The following MISFA variants were observed in gnomAD, a reference collection of about 807,000 sequenced individuals.
The protein encoded by MISFA is mitochondrial sheath formation associated, also known as mitochondrial sheath formation-associated protein.
chr11:18,604,443 G>A, the MISFA span, among the ~76,000 whole-genome samples: 54,075 of 151,568 alleles, frequency 0.36, 11,183 homozygotes, highest in Middle Eastern at 0.49. Context: ...ATCATCTAGG[G>A]TCAGGAGTTC....
the MISFA span, chr11:18,604,013 G>A: frequency 4.1e-5 from 11 of 265,482 alleles, no homozygotes; most frequent in South Asian, 2.1e-4. Flanking sequence ...TGCAAGCTCC[G>A]CCTCCCGGGT....
chr11:18,608,684 G>A, the MISFA span: 4 of 152,412 alleles, frequency 2.6e-5, no homozygotes, highest in African/African-American at 7.2e-5. Context: ...TGAAGGTTAA[G>A]GGCTATTAAG....
At chr11:18,609,519 T>G in the MISFA span, 3 of 227,416 alleles carry the variant, frequency 1.3e-5, no homozygotes, top group African/African-American at 6.9e-5. Context: ...AGACAACCTT[T>G]TTTTTCCTTT....
chr11:18,609,778 T>C, the MISFA span: 1 of 1,250,836 alleles, frequency 8.0e-7, no homozygotes, highest in Admixed American at 2.1e-5. Context: ...AAATCTAAAA[T>C]GATAAGGGGG....
At chr11:18,600,512 CTTTTTTTTT>C in the MISFA span, among the ~76,000 whole-genome samples, 1 of 54,050 alleles carries the variant, frequency 1.9e-5, no homozygotes, top group East Asian at 7.1e-4. Flanking sequence ...TGGGGACATC[CTTTTTTTTT>C]TTTTTTTTTT....
At chr11:18,600,933 C>G in the MISFA span, among the ~76,000 whole-genome samples, 234 of 152,222 alleles carry the variant, frequency 1.5e-3, 6 homozygotes, top group South Asian at 0.047. Context: ...ATTTGACTTG[C>G]GGATTGCAGG....
chr11:18,599,973 C>T, the MISFA span: 1 of 398,970 alleles, frequency 2.5e-6, no homozygotes, highest in Admixed American at 4.4e-5. Flanking sequence ...TTGTGTGTTA[C>T]ATGGGCACGT....
At chr11:18,607,602 G>A in the MISFA span, 2 of 152,592 alleles carry the variant, frequency 1.3e-5, no homozygotes, top group African/African-American at 4.8e-5. Context: ...GCCTACTCCA[G>A]TTTCTTCAAA....
At chr11:18,608,465 C>T in the MISFA span, 1 of 152,234 alleles carries the variant, frequency 6.6e-6, no homozygotes, top group Admixed American at 6.5e-5. Flanking sequence ...TAATCCCCCC[C>T]ATACAATGGC....
chr11:18,603,687 C>A, the MISFA span: 4 of 398,402 alleles, frequency 1.0e-5, no homozygotes, highest in African/African-American at 4.1e-5. Flanking sequence ...CCCTGCCAGT[C>A]CTTGCCTGGG....
chr11:18,600,076 AATGGGAAAGATAGTTG>A, the MISFA span: 1 of 398,802 alleles, frequency 2.5e-6, no homozygotes, highest in Non-Finnish European at 4.4e-6. Flanking sequence ...TTTCTGACCA[AATGGGAAAGATAGTTG>A]AGGTCTCACC....
chr11:18,606,872 T>G, the MISFA span: 1 of 364,470 alleles, frequency 2.7e-6, no homozygotes, highest in Non-Finnish European at 5.2e-6. Context: ...CACATTCTTT[T>G]TTTTTTGACA....
chr11:18,606,861 C>T, the MISFA span: 1 of 366,780 alleles, frequency 2.7e-6, no homozygotes, highest in Non-Finnish European at 5.1e-6. Context: ...ATTTGAGTTC[C>T]CACATTCTTT....
At chr11:18,608,212 T>C in the MISFA span, 23 of 152,766 alleles carry the variant, frequency 1.5e-4, no homozygotes, top group Non-Finnish European at 2.6e-4. Flanking sequence ...CTAGTGATGA[T>C]GACACCTTTC....
At chr11:18,609,581 A>G in the MISFA span, 2 of 373,900 alleles carry the variant, frequency 5.3e-6, no homozygotes, top group African/African-American at 4.2e-5. Flanking sequence ...GTGGCCCCAC[A>G]TTAGAGTGCA....
chr11:18,605,933 C>T, the MISFA span, among the ~76,000 whole-genome samples: 1 of 152,194 alleles, frequency 6.6e-6, no homozygotes, highest in Non-Finnish European at 1.5e-5. Context: ...CTGCTTCTAC[C>T]TCCCAAAGTG....
the MISFA span, chr11:18,603,985 G>C: frequency 6.5e-6 from 2 of 307,236 alleles, no homozygotes; most frequent in Non-Finnish European, 5.6e-6. Context: ...GGAGTGCAGT[G>C]GCGCGATCTC....
chr11:18,600,620 A>G, the MISFA span, among the ~76,000 whole-genome samples: 1 of 140,088 alleles, frequency 7.1e-6, no homozygotes, highest in African/African-American at 2.7e-5. Context: ...TCCTGGGTTC[A>G]TGCCATTCTC....
the MISFA span, chr11:18,608,946 G>A: frequency 1.3e-5 from 2 of 149,898 alleles, 1 homozygote. Context: ...CAAGAGGTAT[G>A]AGGGCACCTT....
Sources: gnomAD v4.1 joint callset for allele counts (sites outside exome capture counted in the v4.1 genomes callset) on GRCh38, gnomAD v4.1.1 for gene constraint, MANE v1.5 for transcripts, NCBI Gene and HGNC (gene_info 2026-07-23, HGNC 2026-07-21) for gene names.